The following ABHD3 variants were observed in gnomAD, a reference collection of about 807,000 sequenced individuals.
ABHD3 encodes the protein phospholipase ABHD3.
A neutral mutation model predicts 48.8 loss-of-function variants in ABHD3; 46 were observed. The observed-to-expected ratio is 0.94, with a 90% CI of 0.74 to 1.20. The LOEUF is 1.20. ABHD3 is among the 50% of genes most tolerant of loss of function. The pLI, the probability that ABHD3 is intolerant of heterozygous loss-of-function variation, is 0.00. For synonymous variants in ABHD3, 192 were observed against 183.7 expected, an observed-to-expected ratio of 1.04 and a Z score of -0.36; for missense variants, 490 against 497.8, an observed-to-expected ratio of 0.98 and a Z score of 0.15.
At chr18:21,687,985 G>T (rs546125915) in intron 3 of ABHD3, among the ~76,000 whole-genome samples, 1 of 152,196 alleles carries the variant, frequency 6.6e-6, no homozygotes, top group African/African-American at 2.4e-5. Flanking sequence ...TGTTCCCTGG[G>T]GGAAAAACGG....
chr18:21,659,072 C>G, intron 6 of ABHD3, 98 bp downstream of exon 6: 2 of 1,267,416 alleles, frequency 1.6e-6, no homozygotes, highest in Non-Finnish European at 2.2e-6. Flanking sequence ...ATCTCCTGAC[C>G]TCGTGATCCC....
intron 4 of ABHD3, among the ~76,000 whole-genome samples, chr18:21,683,300 T>C (rs533293444): frequency 5.9e-4 from 90 of 152,230 alleles, no homozygotes; most frequent in African/African-American, 2.0e-3. Context: ...AGATCTATCC[T>C]AGCAAAAACT....
intron 4 of ABHD3, among the ~76,000 whole-genome samples, chr18:21,670,455 GAC>G (rs1227838161): frequency 3.9e-5 from 6 of 152,136 alleles, no homozygotes; most frequent in African/African-American, 1.4e-4. Context: ...CTGTAATCAT[GAC>G]AGTCTTTCTG....
intron 3 of ABHD3, among the ~76,000 whole-genome samples, chr18:21,692,253 C>T (rs778149323): frequency 6.6e-6 from 1 of 152,134 alleles, no homozygotes. Context: ...CCCGGCCCTA[C>T]ATTTCAATCT....
At chr18:21,675,918 T>A (rs969444298) in intron 4 of ABHD3, among the ~76,000 whole-genome samples, 20 of 152,172 alleles carry the variant, frequency 1.3e-4, no homozygotes, top group Admixed American at 1.2e-3. Flanking sequence ...GTTCAAGGGA[T>A]CTATTGTACA....
At chr18:21,664,572 G>T (rs1364795564) in intron 4 of ABHD3, 2 of 181,530 alleles carry the variant, frequency 1.1e-5, no homozygotes, top group East Asian at 1.5e-4. Flanking sequence ...AAAAAGCAGA[G>T]AACTGTGCTT....
chr18:21,697,263 G>A (rs917954799), intron 3 of ABHD3, among the ~76,000 whole-genome samples: 1 of 151,812 alleles, frequency 6.6e-6, no homozygotes, highest in Non-Finnish European at 1.5e-5. Flanking sequence ...TTAGTAGAGA[G>A]GGGGTGTCAC....
intron 4 of ABHD3, among the ~76,000 whole-genome samples, chr18:21,681,050 C>A (rs2039995852): frequency 6.6e-6 from 1 of 151,872 alleles, no homozygotes; most frequent in African/African-American, 2.4e-5. Context: ...AGCTTCTAAC[C>A]ACCAATCTCC....
intron 6 of ABHD3, among the ~76,000 whole-genome samples, chr18:21,658,725 A>G (rs1043820620): frequency 6.6e-6 from 1 of 152,126 alleles, no homozygotes; most frequent in Admixed American, 6.6e-5. Flanking sequence ...AACAAAGATA[A>G]TATTTTGGTA....
At chr18:21,699,953 C>T (rs2040470727) in intron 3 of ABHD3, among the ~76,000 whole-genome samples, 2 of 152,086 alleles carry the variant, frequency 1.3e-5, no homozygotes, top group South Asian at 4.1e-4. Flanking sequence ...GCTGGGATTA[C>T]AGCTGTGAGC....
intron 3 of ABHD3, among the ~76,000 whole-genome samples, chr18:21,684,887 A>T (rs2040096354): frequency 6.6e-6 from 1 of 152,274 alleles, no homozygotes; most frequent in East Asian, 1.9e-4. Context: ...GCTTTCTCTG[A>T]TCCTGTTTGC....
At chr18:21,655,197 A>G (rs1397139998) in intron 8 of ABHD3, 1 of 151,748 alleles carries the variant, frequency 6.6e-6, no homozygotes, top group African/African-American at 2.4e-5. Flanking sequence ...TTCACAACAT[A>G]TGTGTTATGT....
rs546010216 is a variant in ABHD3, at chr18:21,695,893, A to G, written c.509+6423T>C. Among the ~76,000 whole-genome samples, 4 of 152,252 alleles carry G rather than the reference A, an allele frequency of 2.6e-5. No homozygotes were observed. The South Asian group carries it at 8.3e-4, about 32-fold the overall frequency. ...GTATGCTCTTTGGGAATAGGTTCTG[A>G]TATTGTACTTTGCAGCCCCAAAATA... On this transcript the variant is annotated intron_variant, in intron 3 of 8. Coordinates refer to ENST00000289119, the MANE Select transcript of ABHD3 (RefSeq NM_138340.5).
chr18:21,656,366 C>T (rs796485394), intron 8 of ABHD3, among the ~76,000 whole-genome samples: 3 of 151,934 alleles, frequency 2.0e-5, no homozygotes, highest in South Asian at 4.2e-4. Flanking sequence ...TACAGTATTC[C>T]AGGGAAAAGG....
chr18:21,667,347 C>T (rs1275685435), intron 4 of ABHD3, among the ~76,000 whole-genome samples: 1 of 140,162 alleles, frequency 7.1e-6, no homozygotes, highest in African/African-American at 2.7e-5. Flanking sequence ...CAGGTTCAAA[C>T]AATTCTCCTG....
intron 3 of ABHD3, among the ~76,000 whole-genome samples, chr18:21,698,228 C>T (rs1293637978): frequency 6.6e-6 from 1 of 152,012 alleles, no homozygotes; most frequent in Non-Finnish European, 1.5e-5. Flanking sequence ...CTCTGTCGCC[C>T]AGCCTGGAGT....
intron 3 of ABHD3, among the ~76,000 whole-genome samples, chr18:21,693,891 C>G (rs370969156): frequency 2.6e-4 from 39 of 152,034 alleles, no homozygotes; most frequent in African/African-American, 8.5e-4. Context: ...CAGAACTAAC[C>G]CTTTTGTTTT....
At chr18:21,667,955 C>T (rs1396501540) in intron 4 of ABHD3, among the ~76,000 whole-genome samples, 1 of 151,870 alleles carries the variant, frequency 6.6e-6, no homozygotes, top group Non-Finnish European at 1.5e-5. Flanking sequence ...AATTCCAACA[C>T]TTTGGGAGGC....
intron 4 of ABHD3, among the ~76,000 whole-genome samples, chr18:21,668,200 C>CAAAAAAAAAAAAAAAAAAAAAAAA (rs747590942): frequency 3.3e-5 from 2 of 61,354 alleles, no homozygotes; most frequent in African/African-American, 7.5e-5. Flanking sequence ...GAATCTATCT[C>CAAAAAAAAAAAAAAAAAAAAAAAA]AAAAAAAAAA....
Sources: gnomAD v4.1 joint callset for allele counts (sites outside exome capture counted in the v4.1 genomes callset) on GRCh38, gnomAD v4.1.1 for gene constraint, MANE v1.5 for transcripts, NCBI Gene and HGNC (gene_info 2026-07-23, HGNC 2026-07-21) for gene names.